The following IFT81 variants were observed in gnomAD, a reference collection of about 807,000 sequenced individuals.
IFT81 encodes intraflagellar transport protein 81 homolog.
A neutral mutation model predicts 102.6 loss-of-function variants in IFT81; 72 were observed. That is an observed-to-expected ratio of 0.70 (90% CI 0.58 to 0.85). The LOEUF is 0.85. Ranked by LOEUF, IFT81 falls within the 40% of genes least tolerant of loss-of-function variation. The probability of loss-of-function intolerance (pLI) is 0.00; values close to 1 mark genes in which losing one functional copy is unlikely to be tolerated. For missense variants in IFT81, 723 were observed against 787.3 expected, an observed-to-expected ratio of 0.92 and a Z score of 0.98; for synonymous variants, 237 against 242.7, an observed-to-expected ratio of 0.98 and a Z score of 0.22.
intron 14 of IFT81, among the ~76,000 whole-genome samples, chr12:110,200,222 T>A (rs747363355): frequency 2.0e-5 from 3 of 152,182 alleles, no homozygotes; most frequent in Non-Finnish European, 2.9e-5. Context: ...ATTGAGTGAT[T>A]TCATCATTGT....
At position 110,200,824 on chromosome 12, in the gene IFT81, G is replaced by C. The variant is rs111926478; in HGVS notation, c.1558-3040G>C. Among the ~76,000 whole-genome samples, 1,371 of 151,782 alleles carry C rather than the reference G, an allele frequency of 9.0e-3. 4 individuals are homozygous for C. Among genetic ancestry groups the C allele is most frequent in the Non-Finnish European group, 9.5e-3 (642 of 67,912 alleles). The stretch of plus-strand genomic sequence containing the variant: ...AATTAGCTGGGTGTGGTGGCACATG[G>C]CTGTAATCCCAGCTACTTGGGAGGT... On this transcript the variant is annotated intron_variant, in intron 14 of 18. Coordinates refer to ENST00000242591, the MANE Select transcript of IFT81 (RefSeq NM_014055.4).
At chr12:110,205,189 G>C (rs1868458845) in intron 15 of IFT81, 2 of 249,880 alleles carry the variant, frequency 8.0e-6, no homozygotes. Context: ...AGCCAAGACT[G>C]CACCACTGCA....
intron 10 of IFT81, among the ~76,000 whole-genome samples, chr12:110,149,385 G>C (rs142110772): frequency 6.6e-6 from 1 of 152,308 alleles, no homozygotes; most frequent in Non-Finnish European, 1.5e-5. Context: ...GTGTCTAAGG[G>C]TGAATGTTTA....
At chr12:110,177,773 A>T (rs1897101984) in intron 11 of IFT81, among the ~76,000 whole-genome samples, 1 of 152,204 alleles carries the variant, frequency 6.6e-6, no homozygotes. Flanking sequence ...ATAATTTAGA[A>T]TTATTAACCT....
intron 12 of IFT81, among the ~76,000 whole-genome samples, chr12:110,182,205 T>TG (rs1477371153): frequency 5.3e-5 from 8 of 152,300 alleles, no homozygotes; most frequent in Admixed American, 3.9e-4. Context: ...GTTCACCCCT[T>TG]GCACTAGTAG....
intron 18 of IFT81, among the ~76,000 whole-genome samples, chr12:110,212,289 T>C (rs1869557897): frequency 6.7e-6 from 1 of 149,484 alleles, no homozygotes; most frequent in African/African-American, 2.5e-5. Context: ...CTCACGACTA[T>C]AACCCAGCAC....
intron 18 of IFT81, among the ~76,000 whole-genome samples, chr12:110,214,697 G>A (rs1425760798): frequency 1.3e-5 from 2 of 152,186 alleles, no homozygotes; most frequent in Admixed American, 1.3e-4. Context: ...TGGTTATGAA[G>A]CAAATTAAAT....
chr12:110,216,937 T>C (rs1310418745), intron 18 of IFT81: 2 of 201,298 alleles, frequency 9.9e-6, no homozygotes, highest in Middle Eastern at 2.1e-3. Flanking sequence ...ATGGAAATTC[T>C]AAAACAAAAT....
At chr12:110,156,958 G>A (rs1237082370) in intron 10 of IFT81, among the ~76,000 whole-genome samples, 1 of 151,708 alleles carries the variant, frequency 6.6e-6, no homozygotes, top group East Asian at 1.9e-4. Context: ...TATGTGACTA[G>A]TCAGTCTCTT....
rs180820886 is a variant in IFT81 at position 110,208,027 on chromosome 12, T to C, written c.1803-1144T>C. Among the ~76,000 whole-genome samples the C allele has an allele frequency of 4.3e-4, 65 of 152,354 alleles. No individual in the cohort carries two copies. The East Asian group carries it at 0.012, about 28-fold the overall frequency. On this transcript the variant is annotated intron_variant, in intron 17 of 18. Transcript: ENST00000242591. ...TGAAGTAGTGTGCACAGAAGTTGAA[T>C]GCTGTCCATTATTGCCATGTCTCAG... is the stretch of plus-strand genomic sequence containing the variant.
intron 10 of IFT81, among the ~76,000 whole-genome samples, chr12:110,161,390 C>A (rs967900762): frequency 5.3e-5 from 8 of 151,842 alleles, no homozygotes; most frequent in African/African-American, 1.7e-4. Flanking sequence ...TCAGATAATC[C>A]ACCCACCGTG....
At chr12:110,145,308 G>T (rs12309409) in intron 9 of IFT81, among the ~76,000 whole-genome samples, 7,727 of 152,058 alleles carry the variant, frequency 0.051, 222 homozygotes, top group Middle Eastern at 0.088. Flanking sequence ...CTCCCAAAGT[G>T]CAGGGATTAC....
intron 18 of IFT81, among the ~76,000 whole-genome samples, chr12:110,213,412 G>T (rs1021545654): frequency 6.6e-6 from 1 of 152,182 alleles, no homozygotes; most frequent in African/African-American, 2.4e-5. Context: ...TTGGTAGTTA[G>T]ATCTAGAAGC....
At chr12:110,176,317 T>A (rs1897033116) in intron 11 of IFT81, among the ~76,000 whole-genome samples, 1 of 152,154 alleles carries the variant, frequency 6.6e-6, no homozygotes. Flanking sequence ...GCAACCTTAC[T>A]GGCACCTCCA....
intron 11 of IFT81, chr12:110,168,389 T>C (rs1896554796): frequency 3.1e-6 from 1 of 318,180 alleles, no homozygotes; most frequent in Non-Finnish European, 4.5e-6. Context: ...AGGGGCACTG[T>C]GCTTAAACAA....
intron 12 of IFT81, among the ~76,000 whole-genome samples, chr12:110,188,007 G>A (rs1176576068): frequency 3.9e-5 from 6 of 152,142 alleles, no homozygotes; most frequent in Admixed American, 3.9e-4. Flanking sequence ...AGTACTGTGA[G>A]ACTGCTACAA....
chr12:110,164,759 T>C (rs1249282959), intron 11 of IFT81, among the ~76,000 whole-genome samples: 1 of 152,178 alleles, frequency 6.6e-6, no homozygotes, highest in Non-Finnish European at 1.5e-5. Flanking sequence ...GTTTAAGACA[T>C]GGGAGTGTTT....
intron 16 of IFT81, 24 bp downstream of exon 16, chr12:110,205,538 A>T: frequency 6.3e-7 from 1 of 1,585,478 alleles, no homozygotes; most frequent in Non-Finnish European, 8.6e-7. Context: ...GATCAAAAAC[A>T]TTTCTGAGTT....
At chr12:110,129,895 C>T (rs942657409) in intron 4 of IFT81, among the ~76,000 whole-genome samples, 2 of 151,512 alleles carry the variant, frequency 1.3e-5, no homozygotes, top group African/African-American at 4.9e-5. Context: ...TTCCATAGCA[C>T]TTACATAGAC....
Sources: gnomAD v4.1 joint callset for allele counts (sites outside exome capture counted in the v4.1 genomes callset) on GRCh38, gnomAD v4.1.1 for gene constraint, MANE v1.5 for transcripts, NCBI Gene and HGNC (gene_info 2026-07-23, HGNC 2026-07-21) for gene names.